Variants in HNRNPA2B1 observed in about 807,000 individuals in gnomAD.
HNRNPA2B1 encodes heterogeneous nuclear ribonucleoprotein A2/B1.
In HNRNPA2B1, 3 loss-of-function variants were observed where a neutral mutation model predicts 46.3. The observed-to-expected ratio is 0.06, with a 90% CI of 0.03 to 0.17. The LOEUF (loss-of-function observed/expected upper bound fraction) is 0.17, where lower values mean the gene tolerates loss of function less well. Ranked by LOEUF, HNRNPA2B1 falls within the 10% of genes least tolerant of loss-of-function variation. HNRNPA2B1 has a pLI of 1.00. For synonymous variants in HNRNPA2B1, 225 were observed against 133.8 expected, an observed-to-expected ratio of 1.68 and a Z score of -4.70; for missense variants, 221 against 418.9, an observed-to-expected ratio of 0.53 and a Z score of 4.12.
intron 5 of HNRNPA2B1, 29 bp downstream of exon 5, chr7:26,196,528 A>G: frequency 6.2e-7 from 1 of 1,612,728 alleles, no homozygotes; most frequent in Non-Finnish European, 8.5e-7. Context: ...ATATGAACAA[A>G]AATAAAGAAG....
intron 9 of HNRNPA2B1, 44 bp downstream of exon 9, chr7:26,193,185 TTTAAGTCACAAAAGGCTAATCC>T: frequency 1.4e-6 from 2 of 1,451,918 alleles, no homozygotes; most frequent in South Asian, 2.4e-5. Context: ...TTATCTTCCC[TTTAAGTCACAAAAGGCTAATCC>T]TTTAATCACA....
At position 26,196,487 on chromosome 7, in the gene HNRNPA2B1, A is replaced by G; in HGVS notation, c.578-6T>C. ...ATCCCCAAAGCCAAAGTTGCCTACAATAAATGCCCCAGTTAGAAGCAAGCC... is the reference window on the plus strand; with the variant it reads ...ATCCCCAAAGCCAAAGTTGCCTACAGTAAATGCCCCAGTTAGAAGCAAGCC... On this transcript the variant is annotated splice_region_variant and splice_polypyrimidine_tract_variant and intron_variant, in intron 5 of 10. Coordinates refer to ENST00000618183, the MANE Select transcript of HNRNPA2B1 (RefSeq NM_002137.4). 2 of 1,614,134 alleles carry G rather than the reference A, an allele frequency of 1.2e-6. No individual in the cohort carries two copies. Among genetic ancestry groups the G allele is most frequent in the Non-Finnish European group, 1.7e-6 (2 of 1,179,982 alleles).
intron 1 of HNRNPA2B1, chr7:26,199,419 T>C (rs1784083086): frequency 6.6e-6 from 1 of 152,256 alleles, no homozygotes; most frequent in African/African-American, 2.4e-5. Flanking sequence ...CCATACGCAT[T>C]ACAGGAAGGA....
intron 1 of HNRNPA2B1, chr7:26,200,315 G>C: frequency 1.8e-6 from 1 of 550,374 alleles, no homozygotes; most frequent in Admixed American, 3.2e-5. Context: ...CCCCAGCGGG[G>C]CAGCGTCCGC....
chr7:26,197,436 C>T lies in HNRNPA2B1; in HGVS notation c.143G>A (p.Arg48Lys). ...AGTTACAAAACCAAATCCTCTTGAT[C>T]TTTTGCTTGCAGGATCCCTCATTAC... is the stretch of plus-strand genomic sequence containing the variant. ...CVVMRDPASK[R>K]SRGFGFVTFS... Residue 48 changes from arginine to lysine, a missense_variant, in exon 3 of 11, where the codon AGA becomes AAA. This residue lies in a region of HNRNPA2B1 where 78 missense variants were observed against 218.5 expected (regional missense o/e 0.36). Coordinates refer to ENST00000618183, the MANE Select transcript of HNRNPA2B1 (RefSeq NM_002137.4). The T allele has an allele frequency of 6.2e-7, 1 of 1,614,038 alleles. No homozygotes were observed. Among genetic ancestry groups the T allele is most frequent in the Non-Finnish European group, 8.5e-7 (1 of 1,179,964 alleles).
Position 26,191,331 on chromosome 7 carries a change from G to T in HNRNPA2B1, c.*1029C>A, listed in dbSNP as rs984681477. 1 of 152,038 alleles carries T rather than the reference G, an allele frequency of 6.6e-6. No individual in the cohort carries two copies. The highest frequency in any genetic ancestry group is 1.5e-5 in the Non-Finnish European group (1 of 67,978). 9.4% of individuals were successfully genotyped at this position (152,038 alleles called of 1,614,324 possible). A position where few individuals can be genotyped will look rare whatever the true frequency, so the allele number is the denominator to read the frequency against. On this transcript the variant is annotated 3_prime_UTR_variant, in exon 11 of 11. Transcript: ENST00000618183. ...TCAATTTATAGCTATGTTAAACTAC[G>T]TAAGAACCACTATACTGAAAGACCA... is the stretch of plus-strand genomic sequence containing the variant.
At chr7:26,196,687 A>G in intron 4 of HNRNPA2B1, 29 bp from the exon 5 acceptor site, 1 of 1,590,900 alleles carries the variant, frequency 6.3e-7, no homozygotes, top group Non-Finnish European at 8.6e-7. Context: ...ACTCCTTTTA[A>G]ATTAAATCAA....
chr7:26,197,568 C>G, intron 2 of HNRNPA2B1, 54 bp downstream of exon 2: 1 of 1,560,064 alleles, frequency 6.4e-7, no homozygotes, highest in South Asian at 1.1e-5. Flanking sequence ...CCATGATTCA[C>G]TTAACATACA....
chr7:26,199,877 C>G (rs1784170068), intron 1 of HNRNPA2B1: 1 of 152,228 alleles, frequency 6.6e-6, no homozygotes, highest in Non-Finnish European at 1.5e-5. Flanking sequence ...CGGAGCACCC[C>G]CCCTCCCCGC....
chr7:26,195,985 TTAC>T lies in HNRNPA2B1; in HGVS notation c.659-79_659-77del, dbSNP rs959521849. 2.8e-5 allele frequency: 42 copies of T among 1,518,312 alleles called. 1 individual carries two copies. Among genetic ancestry groups the T allele is most frequent in the Non-Finnish European group, 3.0e-5 (34 of 1,137,928 alleles). 94.1% of individuals were successfully genotyped at this position (1,518,312 alleles called of 1,614,324 possible). On this transcript the variant is annotated intron_variant, in intron 6 of 10. Coordinates refer to ENST00000618183, the MANE Select transcript of HNRNPA2B1 (RefSeq NM_002137.4). Reference sequence around the variant, plus strand: ...TTGCTAATATTCATTTTCAGTTCTCTTACTACCTCAGCACAATAATTAAGAACC... The same window carrying T: ...TTGCTAATATTCATTTTCAGTTCTCTTACCTCAGCACAATAATTAAGAACC...
rs189172379 is a variant in HNRNPA2B1 at position 26,191,922 on chromosome 7, A to G, written c.*438T>C. 1.3e-5 allele frequency: 2 copies of G among 152,786 alleles called. No homozygotes were observed. Among genetic ancestry groups the G allele is most frequent in the Non-Finnish European group, 1.5e-5 (1 of 68,036 alleles). 9.5% of individuals were successfully genotyped at this position (152,786 alleles called of 1,614,324 possible). ...TACACACGCACTTAAATTTTTTTAA[A>G]GGAAAAACGTTATGTCTTATTACAC... On this transcript the variant is annotated 3_prime_UTR_variant, in exon 11 of 11. Coordinates refer to ENST00000618183, the MANE Select transcript of HNRNPA2B1 (RefSeq NM_002137.4).
chr7:26,199,143 A>G (rs532260002), intron 1 of HNRNPA2B1: 3 of 152,688 alleles, frequency 2.0e-5, no homozygotes, highest in East Asian at 3.9e-4. Flanking sequence ...TACATTTATA[A>G]CAAGTTTTAC....
intron 6 of HNRNPA2B1, 54 bp downstream of exon 6, chr7:26,196,347 A>G (rs1010474202): frequency 1.2e-5 from 17 of 1,390,448 alleles, no homozygotes; most frequent in African/African-American, 1.2e-4. Context: ...AAACCTAATC[A>G]TATTTAAAAT....
chr7:26,199,532 G>A (rs1340261672), intron 1 of HNRNPA2B1: 4 of 152,168 alleles, frequency 2.6e-5, no homozygotes, highest in African/African-American at 4.8e-5. Flanking sequence ...TCCCGTAAGG[G>A]TTAAACTTCT....
At position 26,191,834 on chromosome 7, in the gene HNRNPA2B1, A is replaced by G. The variant is rs903514582; in HGVS notation, c.*526T>C. 2.0e-5 allele frequency: 3 copies of G among 152,660 alleles called. No individual in the cohort carries two copies. Among genetic ancestry groups the G allele is most frequent in the South Asian group, 2.1e-4 (1 of 4,838 alleles). 9.5% of individuals were successfully genotyped at this position (152,660 alleles called of 1,614,324 possible). A position where few individuals can be genotyped will look rare whatever the true frequency, so the allele number is the denominator to read the frequency against. On this transcript the variant is annotated 3_prime_UTR_variant, in exon 11 of 11. Coordinates refer to ENST00000618183, the MANE Select transcript of HNRNPA2B1 (RefSeq NM_002137.4). ...AACTTATTTAAAATAAAAAGTCTAT[A>G]ATTACACAATTTCCTTTAGAATTAT...
rs1252436904 is a variant in HNRNPA2B1, at chr7:26,191,279, T to G, written c.*1081A>C. 6.6e-6 allele frequency: 1 copy of G among 152,182 alleles called. No individual in the cohort carries two copies. Among genetic ancestry groups the G allele is most frequent in the Admixed American group, 6.5e-5 (1 of 15,272 alleles). The allele number at this position is 152,182 out of a possible 1,614,324, so 9.4% of individuals were successfully genotyped here. A position where few individuals can be genotyped will look rare whatever the true frequency, so the allele number is the denominator to read the frequency against. ...TGGAAAACAGGGTTTATAAAAATTATTCTCTTGAGTTTATAAATTGTTAAA... is the reference window on the plus strand; with the variant it reads ...TGGAAAACAGGGTTTATAAAAATTAGTCTCTTGAGTTTATAAATTGTTAAA... On this transcript the variant is annotated 3_prime_UTR_variant, in exon 11 of 11. Transcript: ENST00000618183.
At chr7:26,197,903 C>T (rs1238150531) in intron 1 of HNRNPA2B1, 171 bp from the exon 2 acceptor site, 2 of 1,531,902 alleles carry the variant, frequency 1.3e-6, no homozygotes, top group Non-Finnish European at 1.8e-6. Flanking sequence ...AAATTTAAAC[C>T]ATATGTTAAA....
chr7:26,200,443 A>T, intron 1 of HNRNPA2B1, 129 bp downstream of exon 1: 1 of 906,214 alleles, frequency 1.1e-6, no homozygotes, highest in Non-Finnish European at 1.8e-6. Context: ...ATAAACCTTA[A>T]GCCCCACTGC....
rs922353782 is a variant in HNRNPA2B1, at chr7:26,190,826, G to A, written c.*1534C>T. On this transcript the variant is annotated 3_prime_UTR_variant, in exon 11 of 11. Coordinates refer to ENST00000618183, the MANE Select transcript of HNRNPA2B1 (RefSeq NM_002137.4). Reference sequence around the variant, plus strand: ...ACCATTTTTGCCCTACCTTCTTTCAGTCTCATCCTGATAAGCATGTACAGT... The same window carrying A: ...ACCATTTTTGCCCTACCTTCTTTCAATCTCATCCTGATAAGCATGTACAGT... The A allele has an allele frequency of 6.6e-6, 1 of 152,338 alleles. No individual in the cohort carries two copies. The highest frequency in any genetic ancestry group is 1.9e-4 in the East Asian group (1 of 5,200). 9.4% of individuals were successfully genotyped at this position (152,338 alleles called of 1,614,324 possible).
Sources: allele counts gnomAD v4.1 joint callset, GRCh38; gene constraint gnomAD v4.1.1; regional missense constraint gnomAD v4.1.1; transcripts MANE v1.5; gene names NCBI Gene and HGNC (gene_info 2026-07-23, HGNC 2026-07-21).